Variants in UGT2B17 observed in about 807,000 individuals in gnomAD.
UGT2B17 encodes UDP glucuronosyltransferase family 2 member B17, also known as UDP-glucuronosyltransferase 2B17.
In UGT2B17, 21 loss-of-function variants were observed where a neutral mutation model predicts 48.2. That is an observed-to-expected ratio of 0.44 (90% confidence interval 0.31 to 0.63). The LOEUF (loss-of-function observed/expected upper bound fraction) is 0.63, where lower values mean the gene tolerates loss of function less well. Among genes scored for constraint, UGT2B17 ranks in the 20% least tolerant of loss-of-function variants. The probability of loss-of-function intolerance (pLI) is 0.08; values close to 1 mark genes in which losing one functional copy is unlikely to be tolerated. For missense variants in UGT2B17, 402 were observed against 696.1 expected, an observed-to-expected ratio of 0.58 and a Z score of 4.75; for synonymous variants, 146 against 238.4, an observed-to-expected ratio of 0.61 and a Z score of 3.57.
rs1372748469 is a variant in UGT2B17, at chr4:68,557,298, G to A, written c.1005+3239C>T. 1.1e-4 allele frequency among the ~76,000 whole-genome samples: 14 copies of A among 124,260 alleles called. 3 individuals carry two copies. Among genetic ancestry groups the A allele is most frequent in the Non-Finnish European group, 6.8e-5 (4 of 58,852 alleles). 81.5% of individuals were successfully genotyped at this position (124,260 alleles called of 152,430 possible). On this transcript the variant is annotated intron_variant, in intron 4 of 6. Transcript: ENST00000317746. ...CTGACTTTGGTCCTCTTTAGAAGGC[G>A]ATTTTATACTCAGCCATGAAATTCT...
chr4:68,570,392 T>C (rs911766451), intron 1 of UGT2B17, among the ~76,000 whole-genome samples: 1 of 126,844 alleles, frequency 7.9e-6, no homozygotes, highest in African/African-American at 2.7e-5. Flanking sequence ...AAGTTATGAG[T>C]TGATTTTTAA....
rs1311560916 is a variant in UGT2B17 at position 68,570,151 on chromosome 4, C to A, written c.-64-1603G>T. ...AAGGGCTTTATTCAGCTGGGAGCAT[C>A]GGCAAGCTACTGCCTTAAAATCCAA... On this transcript the variant is annotated intron_variant, in intron 1 of 6. Coordinates refer to ENST00000317746, the MANE Select transcript of UGT2B17 (RefSeq NM_001077.4). Among the ~76,000 whole-genome samples the A allele has an allele frequency of 1.6e-5, 2 of 126,732 alleles. 1 individual carries two copies. Among genetic ancestry groups the A allele is most frequent in the Admixed American group, 1.6e-4 (2 of 12,456 alleles). 83.1% of individuals were successfully genotyped at this position (126,732 alleles called of 152,430 possible). A position where few individuals can be genotyped will look rare whatever the true frequency, so the allele number is the denominator to read the frequency against.
chr4:68,566,032 T>A (rs1220318775), intron 2 of UGT2B17, among the ~76,000 whole-genome samples: 1 of 118,782 alleles, frequency 8.4e-6, no homozygotes, highest in Non-Finnish European at 1.7e-5. Context: ...TAAAGTTTAA[T>A]ATTTAATATT....
In UGT2B17 at chr4:68,560,965, CCAGA is replaced by C. The variant is rs372626458; in HGVS notation, c.874-301_874-298del. Among the ~76,000 whole-genome samples, 107 of 124,596 alleles carry C rather than the reference CCAGA, an allele frequency of 8.6e-4. 21 individuals carry two copies. Among genetic ancestry groups the C allele is most frequent in the African/African-American group, 2.9e-3 (106 of 36,528 alleles). 81.7% of individuals were successfully genotyped at this position (124,596 alleles called of 152,430 possible). A position where few individuals can be genotyped will look rare whatever the true frequency, so the allele number is the denominator to read the frequency against. The stretch of plus-strand genomic sequence containing the variant: ...GAGATAATGCTAGAAAATATTACAC[CCAGA>C]CACTTTATTTATAATATTATAATTA... On this transcript the variant is annotated intron_variant, in intron 3 of 6. Transcript: ENST00000317746.
chr4:68,541,252 A>G lies in UGT2B17; in HGVS notation c.1314-3348T>C, dbSNP rs1310331422. 1.6e-5 allele frequency among the ~76,000 whole-genome samples: 2 copies of G among 126,022 alleles called. 1 individual carries two copies. Among genetic ancestry groups the G allele is most frequent in the East Asian group, 1.5e-3 (2 of 1,294 alleles). 82.7% of individuals were successfully genotyped at this position (126,022 alleles called of 152,430 possible). ...TTTTCCATGATGGTTGAACTAACTT[A>G]CATTCCCACCAAAAATGTAAAAGTT... On this transcript the variant is annotated intron_variant, in intron 6 of 6. Coordinates refer to ENST00000317746, the MANE Select transcript of UGT2B17 (RefSeq NM_001077.4).
At position 68,568,202 on chromosome 4, in the gene UGT2B17, C is replaced by A. The variant is rs138016442; in HGVS notation, c.283G>T (p.Asp95Tyr). The A allele has an allele frequency of 7.3e-6, 10 of 1,372,632 alleles. 1 individual carries two copies. Among genetic ancestry groups the A allele is most frequent in the African/African-American group, 1.5e-5 (1 of 67,306 alleles). The allele number at this position is 1,372,632 out of a possible 1,614,324, so 85.0% of individuals were successfully genotyped here. ...DLEDFFMKMF[D>Y]RWTYSISKNT... Reference sequence around the variant, plus strand: ...TTTGAAATACTATATGTCCATCTATCGAACATTTTCATAAAAAAATCTTCC... The same window carrying A: ...TTTGAAATACTATATGTCCATCTATAGAACATTTTCATAAAAAAATCTTCC... The change falls in exon 2 of 7, where the codon GAT becomes TAT. Residue 95 changes from aspartate to tyrosine, a missense_variant. Physicochemically the swap from Asp to Tyr is radical, Grantham distance 160. Around this residue, in one of 5 missense-constraint regions of UGT2B17, gnomAD observed 84 missense variants for 92.6 expected, o/e 0.91. Transcript: ENST00000317746.
At chr4:68,560,758 G>C (rs150409140) in intron 3 of UGT2B17, 90 bp from the exon 4 acceptor site, 128,538 of 1,180,292 alleles carry the variant, frequency 0.11, 7,923 homozygotes, top group East Asian at 0.41. Context: ...AGATGAGAAA[G>C]TCAGGAGCTA....
At position 68,570,321 on chromosome 4, in the gene UGT2B17, C is replaced by A. The variant is rs1314866335; in HGVS notation, c.-64-1773G>T. On this transcript the variant is annotated intron_variant, in intron 1 of 6. Transcript: ENST00000317746. The stretch of plus-strand genomic sequence containing the variant: ...CTGGTCAGAGAGAAACAGAACAGGG[C>A]AGGGGGTTTTACAGTGTTCTTCTGT... 3.2e-5 allele frequency among the ~76,000 whole-genome samples: 4 copies of A among 126,696 alleles called. 2 individuals are homozygous for A. The highest frequency in any genetic ancestry group is 1.1e-4 in the African/African-American group (4 of 37,020). The allele number at this position is 126,696 out of a possible 152,430, so 83.1% of individuals were successfully genotyped here.
At chr4:68,542,259 T>A (rs1334434246) in intron 6 of UGT2B17, among the ~76,000 whole-genome samples, 1 of 126,652 alleles carries the variant, frequency 7.9e-6, no homozygotes, top group Non-Finnish European at 1.7e-5. Flanking sequence ...CCATTCTGTT[T>A]TGGTTATGTA....
intron 4 of UGT2B17, among the ~76,000 whole-genome samples, chr4:68,557,482 TC>T (rs1731023412): frequency 8.0e-6 from 1 of 124,646 alleles, no homozygotes; most frequent in African/African-American, 2.7e-5. Context: ...ACTAAAGTAA[TC>T]TTTTTGACTT....
At chr4:68,554,279 G>C (rs4860304) in intron 4 of UGT2B17, among the ~76,000 whole-genome samples, 121,219 of 122,372 alleles carry the variant, frequency 0.99, 60,275 homozygotes, top group Middle Eastern at 1. Flanking sequence ...GATGAGAAAA[G>C]AAGAAGAATG....
At chr4:68,547,697 A>G (rs1480982438) in intron 6 of UGT2B17, among the ~76,000 whole-genome samples, 1 of 115,544 alleles carries the variant, frequency 8.7e-6, no homozygotes, top group African/African-American at 2.8e-5. Context: ...GCTAATATCC[A>G]GAATCTACAA....
Position 68,537,657 on chromosome 4 carries a change from C to T in UGT2B17, c.1561G>A (p.Ala521Thr). ...CTTTTCTTCTTCTTTCCTGTTTTGG[C>T]AAGCTTTCGGAAACAAAACAGGCAA... is the stretch of plus-strand genomic sequence containing the variant. ...KCCLFCFRKL[A>T]KTGKKKKRD Residue 521 changes from alanine to threonine, a missense_variant, in exon 7 of 7, where the codon GCC (alanine) becomes ACC (threonine). Physicochemically the swap from Ala to Thr is moderately conservative, Grantham distance 58 (BLOSUM62 0). This residue lies in a region of UGT2B17 where 156 missense variants were observed against 258.6 expected (regional missense o/e 0.60). Transcript: ENST00000317746. 1.5e-6 allele frequency: 2 copies of T among 1,373,398 alleles called. 1 individual carries two copies. The highest frequency in any genetic ancestry group is 1.9e-6 in the Non-Finnish European group (2 of 1,051,324). 85.1% of individuals were successfully genotyped at this position (1,373,398 alleles called of 1,614,324 possible).
At chr4:68,549,889 C>A (rs9996186) in intron 6 of UGT2B17, among the ~76,000 whole-genome samples, 59,891 of 123,416 alleles carry the variant, frequency 0.49, 23,357 homozygotes, top group Middle Eastern at 0.75. Context: ...AATGTCCATG[C>A]CCTGATAAAT....
chr4:68,542,663 C>A (rs1249367073), intron 6 of UGT2B17, among the ~76,000 whole-genome samples: 3 of 127,066 alleles, frequency 2.4e-5, no homozygotes, highest in African/African-American at 8.1e-5. Flanking sequence ...CAGGGAAGCA[C>A]AAGGGGTCTG....
rs1486778527 is a variant in UGT2B17 at position 68,567,030 on chromosome 4, A to G, written c.724+731T>C. Among the ~76,000 whole-genome samples the G allele has an allele frequency of 4.9e-5, 6 of 123,474 alleles. 3 individuals are homozygous for G. Among genetic ancestry groups the G allele is most frequent in the Non-Finnish European group, 1.0e-4 (6 of 59,024 alleles). The allele number at this position is 123,474 out of a possible 152,430, so 81.0% of individuals were successfully genotyped here. ...ATATAATTAGATTTTTAAAATAAAT[A>G]TATTTACAAATGAGAATTAAAAATT... On this transcript the variant is annotated intron_variant, in intron 2 of 6. Coordinates refer to ENST00000317746, the MANE Select transcript of UGT2B17 (RefSeq NM_001077.4).
rs1730573463 is a variant in UGT2B17, at chr4:68,537,487, A to G, written c.*138T>C. ...AGTACATATTAAATTCCTGGAAAAT[A>G]AATTTTGACTTAACAGGGTAAGTTG... On this transcript the variant is annotated 3_prime_UTR_variant, in exon 7 of 7. Transcript: ENST00000317746. 1 of 744,432 alleles carries G rather than the reference A, an allele frequency of 1.3e-6. No individual in the cohort carries two copies. 46.1% of individuals were successfully genotyped at this position (744,432 alleles called of 1,614,324 possible).
intron 3 of UGT2B17, among the ~76,000 whole-genome samples, chr4:68,563,844 G>C (rs1731146091): frequency 7.9e-6 from 1 of 125,944 alleles, no homozygotes; most frequent in Non-Finnish European, 1.7e-5. Flanking sequence ...AGCACACAGA[G>C]TATCTGTTCT....
chr4:68,569,302 A>G (rs1294297600), intron 1 of UGT2B17, among the ~76,000 whole-genome samples: 1 of 127,922 alleles, frequency 7.8e-6, no homozygotes, highest in Non-Finnish European at 1.7e-5. Context: ...CAACAATGGA[A>G]GTGGGAAAGG....
Sources: gnomAD v4.1 joint callset for allele counts (sites outside exome capture counted in the v4.1 genomes callset) on GRCh38, gnomAD v4.1.1 for gene constraint, gnomAD v4.1.1 regional missense constraint, MANE v1.5 for transcripts, NCBI Gene and HGNC (gene_info 2026-07-23, HGNC 2026-07-21) for gene names.